Variants in CDC42 observed in about 807,000 individuals in gnomAD.
The protein encoded by CDC42 is cell division cycle 42, also known as cell division control protein 42 homolog.
Under a neutral mutation model 20.8 loss-of-function variants are expected in CDC42, and 1 was observed. The observed-to-expected ratio is 0.05, with a 90% CI of 0.02 to 0.23. The LOEUF is 0.23. Among genes scored for constraint, CDC42 ranks in the 10% least tolerant of loss-of-function variants. CDC42 has a pLI of 1.00. For missense variants in CDC42, 49 were observed against 227.9 expected (o/e 0.21, Z 5.05); for synonymous variants, 72 against 84.8 (o/e 0.85, Z 0.83).
In CDC42 at chr1:22,085,453, A is replaced by G. The variant is rs753794470; in HGVS notation, c.179-986A>G. The stretch of plus-strand genomic sequence containing the variant: ...TATTGTCCCTTGTTTCAAGATTACT[A>G]TCCCTTGTTGGGATTTTGATAGGGA... On this transcript the variant is annotated intron_variant, in intron 3 of 5. Coordinates refer to ENST00000656825, the MANE Select transcript of CDC42 (RefSeq NM_001791.4). Among the ~76,000 whole-genome samples, 3 of 152,256 alleles carry G rather than the reference A, an allele frequency of 2.0e-5. No homozygotes were observed. In the East Asian group the frequency reaches 5.8e-4, roughly 29 times the overall value.
rs1645782676 is a variant in CDC42, at chr1:22,100,363, G to A, written c.*8846G>A. Among the ~76,000 whole-genome samples, 1 of 152,162 alleles carries A rather than the reference G, an allele frequency of 6.6e-6. No individual in the cohort carries two copies. Among genetic ancestry groups the A allele is most frequent in the African/African-American group, 2.4e-5 (1 of 41,444 alleles). ...GGATGGATGATGTCATTTGTCAAAT[G>A]GTAAAACTGAGGCGAAACAACTTGG... On this transcript the variant is annotated 3_prime_UTR_variant, in exon 6 of 6. Transcript: ENST00000656825.
chr1:22,076,774 A>G (rs16826455), intron 1 of CDC42, among the ~76,000 whole-genome samples: 1,676 of 152,244 alleles, frequency 0.011, 30 homozygotes, highest in African/African-American at 0.038. Context: ...TGTATTAGTT[A>G]GTATGGGTGC....
intron 1 of CDC42, among the ~76,000 whole-genome samples, chr1:22,067,093 G>A (rs1398010158): frequency 2.0e-5 from 3 of 152,134 alleles, no homozygotes. Context: ...GCTAGAGCAT[G>A]GAGAGTACAG....
chr1:22,099,360 TGCTACTC>T lies in CDC42; in HGVS notation c.*7844_*7850del, dbSNP rs1416669468. 6.6e-6 allele frequency among the ~76,000 whole-genome samples: 1 copy of T among 152,246 alleles called. No homozygotes were observed. Among genetic ancestry groups the T allele is most frequent in the Non-Finnish European group, 1.5e-5 (1 of 68,046 alleles). On this transcript the variant is annotated 3_prime_UTR_variant, in exon 6 of 6. Transcript: ENST00000656825. The stretch of plus-strand genomic sequence containing the variant: ...GTTAAGCACATGGTGTTATCACACT[TGCTACTC>T]ACAACAGCTCTGAGGTTGATAGTAC...
At chr1:22,053,649 A>G (rs1376185814) in intron 1 of CDC42, among the ~76,000 whole-genome samples, 1 of 152,194 alleles carries the variant, frequency 6.6e-6, no homozygotes, top group East Asian at 1.9e-4. Context: ...TCATCGCGGT[A>G]TAAGGAGTGA....
Position 22,093,524 on chromosome 1 carries a change from G to T in CDC42, c.*2007G>T, listed in dbSNP as rs761535063. On this transcript the variant is annotated 3_prime_UTR_variant, in exon 6 of 6. Transcript: ENST00000656825. Reference sequence around the variant, plus strand: ...TAGGACATTATACTGATCTGCATGAGAATCTTAGAAACTAAGAACCCTTAA... The same window carrying T: ...TAGGACATTATACTGATCTGCATGATAATCTTAGAAACTAAGAACCCTTAA... Among the ~76,000 whole-genome samples, 1 of 152,168 alleles carries T rather than the reference G, an allele frequency of 6.6e-6. No individual in the cohort carries two copies. The highest frequency in any genetic ancestry group is 1.5e-5 in the Non-Finnish European group (1 of 68,030).
rs1570063298 is a variant in CDC42 at position 22,100,258 on chromosome 1, A to G, written c.*8741A>G. ...GATACTCATGCAGTTTTTGAGTTTA[A>G]GTAGTAAACTCCTAAACTTCAAGTC... is the stretch of plus-strand genomic sequence containing the variant. On this transcript the variant is annotated 3_prime_UTR_variant, in exon 6 of 6. Coordinates refer to ENST00000656825, the MANE Select transcript of CDC42 (RefSeq NM_001791.4). 6.6e-6 allele frequency among the ~76,000 whole-genome samples: 1 copy of G among 152,246 alleles called. No homozygotes were observed. Among genetic ancestry groups the G allele is most frequent in the East Asian group, 1.9e-4 (1 of 5,182 alleles).
intron 1 of CDC42, among the ~76,000 whole-genome samples, chr1:22,061,579 T>C (rs1269398030): frequency 8.9e-6 from 1 of 112,460 alleles, no homozygotes; most frequent in Non-Finnish European, 1.7e-5. Flanking sequence ...AGTCTTGCTC[T>C]ATCAGCCAGG....
intron 1 of CDC42, among the ~76,000 whole-genome samples, chr1:22,073,529 A>G (rs1645515506): frequency 6.6e-6 from 1 of 151,194 alleles, no homozygotes. Flanking sequence ...ACAGAGCAAA[A>G]CTCTGTCTCA....
At chr1:22,082,402 T>G (rs1047210596) in intron 3 of CDC42, among the ~76,000 whole-genome samples, 2 of 152,250 alleles carry the variant, frequency 1.3e-5, no homozygotes, top group African/African-American at 4.8e-5. Flanking sequence ...TTGACATTTG[T>G]CAGCTATCCA....
At chr1:22,081,122 C>T (rs1645602802) in intron 2 of CDC42, among the ~76,000 whole-genome samples, 2 of 152,048 alleles carry the variant, frequency 1.3e-5, no homozygotes, top group South Asian at 2.1e-4. Flanking sequence ...TGAGCCGAGA[C>T]CATGCCATTG....
At chr1:22,070,677 G>A (rs373908656) in intron 1 of CDC42, among the ~76,000 whole-genome samples, 30 of 151,938 alleles carry the variant, frequency 2.0e-4, no homozygotes, top group African/African-American at 7.0e-4. Flanking sequence ...TGTTAGCCAG[G>A]CTGGTCTTGA....
Position 22,079,600 on chromosome 1 carries a change from G to C in CDC42, c.105+1017G>C, listed in dbSNP as rs16826481. Among the ~76,000 whole-genome samples the C allele has an allele frequency of 2.3e-3, 352 of 152,198 alleles. 3 individuals carry two copies. The highest frequency in any genetic ancestry group is 8.1e-3 in the African/African-American group (335 of 41,524). ...AGGAAAGTTTTTTTTTTGAAGGGGG[G>C]AGAATTTGAAGGTATTATTAAACAC... On this transcript the variant is annotated intron_variant, in intron 2 of 5. Coordinates refer to ENST00000656825, the MANE Select transcript of CDC42 (RefSeq NM_001791.4).
At chr1:22,072,820 C>T (rs916367632) in intron 1 of CDC42, among the ~76,000 whole-genome samples, 7 of 152,050 alleles carry the variant, frequency 4.6e-5, no homozygotes, top group African/African-American at 1.4e-4. Context: ...GAAGTGGGGA[C>T]GGAAACCAAA....
In CDC42 at chr1:22,093,357, A is replaced by T. The variant is rs999101014; in HGVS notation, c.*1840A>T. On this transcript the variant is annotated 3_prime_UTR_variant, in exon 6 of 6. Coordinates refer to ENST00000656825, the MANE Select transcript of CDC42 (RefSeq NM_001791.4). Reference sequence around the variant, plus strand: ...AATGTGATTTTTAAGTTTTCCAGGCATTTCTAAAATGTAGCCAAGTTTGGG... The same window carrying T: ...AATGTGATTTTTAAGTTTTCCAGGCTTTTCTAAAATGTAGCCAAGTTTGGG... Among the ~76,000 whole-genome samples the T allele has an allele frequency of 6.6e-6, 1 of 152,324 alleles. No individual in the cohort carries two copies. Among genetic ancestry groups the T allele is most frequent in the Admixed American group, 6.5e-5 (1 of 15,308 alleles).
intron 1 of CDC42, among the ~76,000 whole-genome samples, chr1:22,054,922 T>TATATATATATATATATA (rs1557890193): frequency 2.6e-4 from 2 of 7,778 alleles, no homozygotes; most frequent in African/African-American, 5.5e-4. Context: ...TATATATATA[T>TATATATATATATATATA]TTTTTTTTTT....
chr1:22,053,668 T>C (rs1352423225), intron 1 of CDC42, among the ~76,000 whole-genome samples: 1 of 152,168 alleles, frequency 6.6e-6, no homozygotes, highest in Non-Finnish European at 1.5e-5. Flanking sequence ...GAGACTTAAC[T>C]CCTACAAGTC....
intron 3 of CDC42, among the ~76,000 whole-genome samples, chr1:22,083,864 T>C (rs1027786640): frequency 1.3e-5 from 2 of 152,234 alleles, no homozygotes; most frequent in Non-Finnish European, 1.5e-5. Flanking sequence ...TCTACTGTTT[T>C]GCTTTTCTAG....
In CDC42 at chr1:22,099,184, C is replaced by A. The variant is rs989015291; in HGVS notation, c.*7667C>A. On this transcript the variant is annotated 3_prime_UTR_variant, in exon 6 of 6. Transcript: ENST00000656825. Reference sequence around the variant, plus strand: ...AGGAAGAAAGGTAGCCTCAAGGCCCCCATAAATAAATTGGTGCATTAAGGA... The same window carrying A: ...AGGAAGAAAGGTAGCCTCAAGGCCCACATAAATAAATTGGTGCATTAAGGA... 6.6e-6 allele frequency among the ~76,000 whole-genome samples: 1 copy of A among 152,174 alleles called. No individual in the cohort carries two copies. The highest frequency in any genetic ancestry group is 1.5e-5 in the Non-Finnish European group (1 of 68,026).
Sources: allele counts gnomAD v4.1 joint callset (sites outside exome capture counted in the v4.1 genomes callset), GRCh38; gene constraint gnomAD v4.1.1; transcripts MANE v1.5; gene names NCBI Gene and HGNC (gene_info 2026-07-23, HGNC 2026-07-21).